Variants in ARHGAP32 observed in about 807,000 individuals in gnomAD.
ARHGAP32 encodes rho GTPase-activating protein 32.
A neutral mutation model predicts 186.5 loss-of-function variants in ARHGAP32; 51 were observed. That is an observed-to-expected ratio of 0.27 (90% CI 0.22 to 0.35). The LOEUF is 0.35. ARHGAP32 is among the 10% of genes least tolerant of loss of function. ARHGAP32 has a pLI of 1.00. For synonymous variants in ARHGAP32, 950 were observed against 964.3 expected, an observed-to-expected ratio of 0.99 and a Z score of 0.27; for missense variants, 2,186 against 2,623.5, an observed-to-expected ratio of 0.83 and a Z score of 3.64.
At chr11:129,114,221 T>G (rs575309972) in intron 5 of ARHGAP32, among the ~76,000 whole-genome samples, 1 of 152,250 alleles carries the variant, frequency 6.6e-6, no homozygotes, top group African/African-American at 2.4e-5. Flanking sequence ...AAGAGGGAGC[T>G]GAACAATGAA....
intron 15 of ARHGAP32, among the ~76,000 whole-genome samples, chr11:128,982,694 C>T (rs1384689348): frequency 1.3e-5 from 2 of 151,578 alleles, no homozygotes; most frequent in African/African-American, 4.8e-5. Context: ...CAAGACCAGC[C>T]TGGGCAACAC....
chr11:129,059,304 G>C (rs1344889731), intron 10 of ARHGAP32, among the ~76,000 whole-genome samples: 1 of 152,016 alleles, frequency 6.6e-6, no homozygotes, highest in Non-Finnish European at 1.5e-5. Flanking sequence ...CTACCTAGAA[G>C]CTTTGTGAAA....
At chr11:129,001,089 A>G (rs1946347003) in intron 11 of ARHGAP32, among the ~76,000 whole-genome samples, 1 of 152,216 alleles carries the variant, frequency 6.6e-6, no homozygotes, top group South Asian at 2.1e-4. Context: ...TACAACAAAC[A>G]TGGGAGTGCA....
Position 128,971,083 on chromosome 11 carries a change from C to G in ARHGAP32, c.4130G>C (p.Ser1377Thr). Residue 1377 changes from serine (S) to threonine (T), a missense_variant, in exon 23 of 23, where the codon AGT becomes ACT. Physicochemically the swap from Ser to Thr is moderately conservative, Grantham distance 58 (BLOSUM62 1). Coordinates refer to ENST00000682385, the MANE Select transcript of ARHGAP32 (RefSeq NM_001378024.1). ...CTGAGCAGCAGCAGCACCACTGTCA[C>G]TGATGAAGGCAGACGCAGGGTCATC... Reference protein sequence around the residue: ...AMDDPASAFISDSGAAAAQCP... With the variant: ...AMDDPASAFITDSGAAAAQCP... 6.2e-7 allele frequency: 1 copy of G among 1,614,208 alleles called. No individual in the cohort carries two copies. The highest frequency in any genetic ancestry group is 8.5e-7 in the Non-Finnish European group (1 of 1,180,042).
chr11:129,242,733 T>A (rs1420376643), intron 1 of ARHGAP32, among the ~76,000 whole-genome samples: 1 of 150,562 alleles, frequency 6.6e-6, no homozygotes, highest in East Asian at 2.0e-4. Context: ...AAAAAAAAGA[T>A]AAAGAAAAAA....
At chr11:128,994,241 A>T (rs1649965389) in intron 12 of ARHGAP32, among the ~76,000 whole-genome samples, 1 of 150,998 alleles carries the variant, frequency 6.6e-6, no homozygotes, top group Admixed American at 6.6e-5. Flanking sequence ...TGCAACCTCC[A>T]GCTCCCAGGT....
At chr11:129,173,319 T>C (rs927441115) in intron 1 of ARHGAP32, among the ~76,000 whole-genome samples, 2 of 139,392 alleles carry the variant, frequency 1.4e-5, no homozygotes, top group Non-Finnish European at 3.1e-5. Flanking sequence ...CAGTAATTAA[T>C]AGACCAACCA....
At chr11:129,192,769 A>G (rs376048296), upstream of ARHGAP32, among the ~76,000 whole-genome samples, 336 of 152,268 alleles carry the variant, frequency 2.2e-3, 2 homozygotes, top group South Asian at 0.033. Context: ...TCCTCTCAGT[A>G]AGGACTGCCA....
At chr11:129,186,319 G>A (rs1055415485) in intron 1 of ARHGAP32, among the ~76,000 whole-genome samples, 1 of 152,148 alleles carries the variant, frequency 6.6e-6, no homozygotes. Context: ...CCATCCCAAA[G>A]GGCTTAATTA....
intron 2 of ARHGAP32, among the ~76,000 whole-genome samples, chr11:129,128,379 A>G (rs1326470998): frequency 6.6e-6 from 1 of 152,176 alleles, no homozygotes; most frequent in East Asian, 1.9e-4. Flanking sequence ...GACATCCACA[A>G]TCCCCATTAA....
At chr11:129,242,012 T>A (rs555200347) in intron 1 of ARHGAP32, among the ~76,000 whole-genome samples, 5 of 152,292 alleles carry the variant, frequency 3.3e-5, no homozygotes, top group South Asian at 2.1e-4. Context: ...CAAGCTGGGA[T>A]AGGGTCAGGA....
intron 1 of ARHGAP32, among the ~76,000 whole-genome samples, chr11:129,207,809 G>GA (rs994699631): frequency 6.6e-6 from 1 of 151,916 alleles, no homozygotes; most frequent in Non-Finnish European, 1.5e-5. Context: ...AAAGTACAAA[G>GA]AAAAAAACAA....
At chr11:129,035,456 C>T (rs1022062124) in intron 11 of ARHGAP32, among the ~76,000 whole-genome samples, 1 of 152,118 alleles carries the variant, frequency 6.6e-6, no homozygotes, top group African/African-American at 2.4e-5. Context: ...ATAAATAGAA[C>T]ATTCAAGTTG....
chr11:129,199,876 G>A (rs1274852082), intron 1 of ARHGAP32, among the ~76,000 whole-genome samples: 2 of 152,196 alleles, frequency 1.3e-5, no homozygotes, highest in Non-Finnish European at 2.9e-5. Context: ...GCAGCCAGGA[G>A]GGAGGTTGTA....
At chr11:129,275,534 G>A (rs1945519642) in intron 1 of ARHGAP32, among the ~76,000 whole-genome samples, 1 of 152,140 alleles carries the variant, frequency 6.6e-6, no homozygotes, top group South Asian at 2.1e-4. Flanking sequence ...GGCTATGATA[G>A]GAAATAGCAC....
At chr11:128,982,551 T>C (rs1224226067) in intron 15 of ARHGAP32, among the ~76,000 whole-genome samples, 1 of 151,770 alleles carries the variant, frequency 6.6e-6, no homozygotes, top group Non-Finnish European at 1.5e-5. Context: ...TCACCTAGCA[T>C]GTCTCAAAGC....
chr11:128,993,775 T>C (rs891980784), intron 12 of ARHGAP32, among the ~76,000 whole-genome samples: 3 of 151,814 alleles, frequency 2.0e-5, no homozygotes, highest in Non-Finnish European at 2.9e-5. Context: ...CACTGTATCC[T>C]GGACCTCCTG....
chr11:128,998,030 C>G (rs1273260818), intron 12 of ARHGAP32, among the ~76,000 whole-genome samples: 1 of 152,100 alleles, frequency 6.6e-6, no homozygotes, highest in Admixed American at 6.5e-5. Context: ...AAGAAGCTAT[C>G]TAGGGAGAAA....
At chr11:129,189,776 A>G (rs1944237932) in intron 1 of ARHGAP32, among the ~76,000 whole-genome samples, 1 of 152,160 alleles carries the variant, frequency 6.6e-6, no homozygotes, top group African/African-American at 2.4e-5. Flanking sequence ...CCAAAAATAA[A>G]TGCTATTTCA....
Sources: gnomAD v4.1 joint callset for allele counts (sites outside exome capture counted in the v4.1 genomes callset) on GRCh38, gnomAD v4.1.1 for gene constraint, MANE v1.5 for transcripts, NCBI Gene and HGNC (gene_info 2026-07-23, HGNC 2026-07-21) for gene names.